PTPRN2: variants seen among roughly 807,000 people sequenced by gnomAD.
The protein encoded by PTPRN2 is protein tyrosine phosphatase receptor type N2.
A neutral mutation model predicts 118.8 loss-of-function variants in PTPRN2; 74 were observed. The observed-to-expected ratio is 0.62, with a 90% CI of 0.52 to 0.76. The LOEUF is 0.76. Ranked by LOEUF, PTPRN2 falls within the 30% of genes least tolerant of loss-of-function variation. The pLI, the probability that PTPRN2 is intolerant of heterozygous loss-of-function variation, is 0.00. For missense variants in PTPRN2, 1,481 were observed against 1,394.4 expected, an observed-to-expected ratio of 1.06 and a Z score of -0.99; for synonymous variants, 641 against 608.0, an observed-to-expected ratio of 1.05 and a Z score of -0.80.
chr7:158,186,600 C>T (rs1336440519), intron 5 of PTPRN2, among the ~76,000 whole-genome samples: 2 of 150,704 alleles, frequency 1.3e-5, no homozygotes, highest in African/African-American at 4.9e-5. Flanking sequence ...CATGAACGCA[C>T]CTGGGCCCAC....
chr7:157,549,290 C>G lies in PTPRN2; in HGVS notation c.2903-271G>C, dbSNP rs189144699. Among the ~76,000 whole-genome samples, 347 of 151,246 alleles carry G rather than the reference C, an allele frequency of 2.3e-3. 3 individuals are homozygous for G. Among genetic ancestry groups the G allele is most frequent in the Non-Finnish European group, 1.5e-3 (104 of 67,900 alleles). ...ACAGCAGGCCGTCACCGTCAGAAACCAAAGCTGTACTGGTTTTCTTTTCTT... is the reference window on the plus strand; with the variant it reads ...ACAGCAGGCCGTCACCGTCAGAAACGAAAGCTGTACTGGTTTTCTTTTCTT... On this transcript the variant is annotated intron_variant, in intron 21 of 22. Transcript: ENST00000389418.
intron 14 of PTPRN2, among the ~76,000 whole-genome samples, chr7:157,642,428 A>G (rs980022145): frequency 1.3e-5 from 2 of 152,244 alleles, no homozygotes; most frequent in Admixed American, 6.5e-5. Flanking sequence ...AACTGCTGTG[A>G]TTCAATTCCT....
chr7:158,275,182 C>G (rs574129615), intron 3 of PTPRN2, among the ~76,000 whole-genome samples: 1 of 152,032 alleles, frequency 6.6e-6, no homozygotes, highest in Non-Finnish European at 1.5e-5. Flanking sequence ...CCAGCAGGGA[C>G]AGCACCGTGG....
chr7:158,155,433 GCACCACCATCACCAA>G (rs1821617524), intron 6 of PTPRN2, among the ~76,000 whole-genome samples: 1 of 140,364 alleles, frequency 7.1e-6, no homozygotes, highest in Non-Finnish European at 1.5e-5. Flanking sequence ...ACCATCAGTA[GCACCACCATCACCAA>G]CACCATCATC....
chr7:157,611,356 C>T lies in PTPRN2; in HGVS notation c.2345-7281G>A, dbSNP rs1802322512. Reference sequence around the variant, plus strand: ...TGAAGCGATTTTAACCCACACTAGTCTCATCTCAGGCATCTGTGTAGAAGG... The same window carrying T: ...TGAAGCGATTTTAACCCACACTAGTTTCATCTCAGGCATCTGTGTAGAAGG... On this transcript the variant is annotated intron_variant, in intron 15 of 22. Coordinates refer to ENST00000389418, the MANE Select transcript of PTPRN2 (RefSeq NM_002847.5). The surrounding 1 kb of genome is among the most constrained non-coding windows in gnomAD (Gnocchi z 5.9). Among the ~76,000 whole-genome samples the T allele has an allele frequency of 6.6e-6, 1 of 152,178 alleles. No homozygotes were observed. The highest frequency in any genetic ancestry group is 1.5e-5 in the Non-Finnish European group (1 of 68,044).
At chr7:157,853,277 G>C (rs957318795) in intron 12 of PTPRN2, among the ~76,000 whole-genome samples, 15 of 152,132 alleles carry the variant, frequency 9.9e-5, no homozygotes, top group Non-Finnish European at 1.9e-4. Context: ...GGCCGAGCCG[G>C]GCCTGCAACG....
At chr7:157,659,279 G>A (rs1040334577) in intron 13 of PTPRN2, among the ~76,000 whole-genome samples, 4 of 144,906 alleles carry the variant, frequency 2.8e-5, no homozygotes, top group African/African-American at 5.2e-5. Flanking sequence ...GGATGACCGC[G>A]GGGACTGGGA....
At chr7:158,496,113 G>A (rs889045120) in intron 1 of PTPRN2, among the ~76,000 whole-genome samples, 3 of 151,836 alleles carry the variant, frequency 2.0e-5, no homozygotes, top group Non-Finnish European at 4.4e-5. Context: ...CGGCCTGGAC[G>A]GAAGCCAGCC....
rs2080546478 is a variant in PTPRN2 at position 157,779,300 on chromosome 7, T to G, written c.1789-96363A>C. Among the ~76,000 whole-genome samples, 1 of 152,190 alleles carries G rather than the reference T, an allele frequency of 6.6e-6. No homozygotes were observed. The highest frequency in any genetic ancestry group is 1.5e-5 in the Non-Finnish European group (1 of 68,030). On this transcript the variant is annotated intron_variant, in intron 12 of 22. Coordinates refer to ENST00000389418, the MANE Select transcript of PTPRN2 (RefSeq NM_002847.5). The surrounding 1 kb of genome is among the most constrained non-coding windows in gnomAD (Gnocchi z 4.7). The stretch of plus-strand genomic sequence containing the variant: ...AGGCATGTGCTCGGTGGAGGAGGCC[T>G]AACTGTTGCTACTCTTGGTGACCTG...
Position 158,455,869 on chromosome 7 carries a change from T to C in PTPRN2, c.163+33866A>G, listed in dbSNP as rs11973988. ...TCTGCAGAGAACATAACAGCACGGA[T>C]GCCATCGGCCATGGCCACCCATTGC... On this transcript the variant is annotated intron_variant, in intron 2 of 22. Transcript: ENST00000389418. 7.1e-3 allele frequency among the ~76,000 whole-genome samples: 647 copies of C among 90,604 alleles called. 2 individuals carry two copies. The highest frequency in any genetic ancestry group is 7.2e-3 in the Non-Finnish European group (322 of 44,602). The allele number at this position is 90,604 out of a possible 152,430, so 59.4% of individuals were successfully genotyped here.
rs566205716 is a variant in PTPRN2 at position 158,536,758 on chromosome 7, C to T, written c.113-46973G>A. Among the ~76,000 whole-genome samples the T allele has an allele frequency of 1.1e-4, 17 of 150,912 alleles. No individual in the cohort carries two copies. The South Asian group carries it at 2.9e-3, about 26-fold the overall frequency. ...CACAAGGGCCTTCCCAGTCCACCATCGACAAGACGAGACTCAGGAAGACAC... is the reference window on the plus strand; with the variant it reads ...CACAAGGGCCTTCCCAGTCCACCATTGACAAGACGAGACTCAGGAAGACAC... On this transcript the variant is annotated intron_variant, in intron 1 of 22. Coordinates refer to ENST00000389418, the MANE Select transcript of PTPRN2 (RefSeq NM_002847.5).
intron 1 of PTPRN2, chr7:158,541,608 T>G: frequency 7.4e-7 from 1 of 1,350,972 alleles, no homozygotes. Flanking sequence ...CACAGCCATC[T>G]GGCTGTCATT....
chr7:158,110,765 TC>T, intron 10 of PTPRN2, 63 bp downstream of exon 10: 1 of 1,431,980 alleles, frequency 7.0e-7, no homozygotes, highest in Non-Finnish European at 9.6e-7. Flanking sequence ...GCTCCTTCCC[TC>T]CCACCCAGTC....
intron 13 of PTPRN2, among the ~76,000 whole-genome samples, chr7:157,675,509 C>T (rs1019970794): frequency 6.0e-5 from 9 of 149,070 alleles, no homozygotes; most frequent in Non-Finnish European, 1.3e-4. Context: ...CTTCTGTTTT[C>T]TTCTCTGGAA....
chr7:158,270,473 C>G (rs1344439305), intron 3 of PTPRN2, among the ~76,000 whole-genome samples: 1 of 152,114 alleles, frequency 6.6e-6, no homozygotes, highest in Non-Finnish European at 1.5e-5. Flanking sequence ...ACAGATGAGC[C>G]TCACTCACTG....
chr7:158,398,658 G>A (rs779265428), intron 2 of PTPRN2, among the ~76,000 whole-genome samples: 6 of 152,096 alleles, frequency 3.9e-5, no homozygotes, highest in African/African-American at 9.7e-5. Context: ...TTCCCCACCC[G>A]CATTTCTACT....
In PTPRN2 at chr7:157,540,698, C is replaced by T. The variant is rs1189249101; in HGVS notation, c.*16G>A. 3.2e-6 allele frequency: 5 copies of T among 1,538,648 alleles called. No individual in the cohort carries two copies. Among genetic ancestry groups the T allele is most frequent in the Middle Eastern group, 1.7e-4 (1 of 5,962 alleles). On this transcript the variant is annotated 3_prime_UTR_variant, in exon 23 of 23. Transcript: ENST00000389418. ...CCGTGGGGTGGGGGCTCCCCTGAGG[C>T]CCCTGAGGCTGCCGCTCACTGGGGA...
Position 157,753,889 on chromosome 7 carries a change from G to A in PTPRN2, c.1789-70952C>T, listed in dbSNP as rs572798809. Among the ~76,000 whole-genome samples, 169 of 152,038 alleles carry A rather than the reference G, an allele frequency of 1.1e-3. 1 individual carries two copies. Among genetic ancestry groups the A allele is most frequent in the Non-Finnish European group, 3.4e-4 (23 of 67,980 alleles). ...GCCACCTAGCACAGCACCCCCATCCGCGGCCATGGCTGCTGTCCAGGCATC... is the reference window on the plus strand; with the variant it reads ...GCCACCTAGCACAGCACCCCCATCCACGGCCATGGCTGCTGTCCAGGCATC... On this transcript the variant is annotated intron_variant, in intron 12 of 22. Transcript: ENST00000389418.
intron 2 of PTPRN2, among the ~76,000 whole-genome samples, chr7:158,370,400 C>T (rs1586487973): frequency 6.6e-6 from 1 of 152,078 alleles, no homozygotes; most frequent in South Asian, 2.1e-4. Flanking sequence ...TGTACCACTG[C>T]ACTCCAGCCT....
Sources: allele counts gnomAD v4.1 joint callset (sites outside exome capture counted in the v4.1 genomes callset), GRCh38; gene constraint gnomAD v4.1.1; non-coding constraint Gnocchi (gnomAD v3.1); transcripts MANE v1.5; gene names NCBI Gene and HGNC (gene_info 2026-07-23, HGNC 2026-07-21).